ZSWIM6: variants seen among roughly 807,000 people sequenced by gnomAD.
The protein encoded by ZSWIM6 is zinc finger SWIM-type containing 6.
In ZSWIM6, 9 loss-of-function variants were observed where a neutral mutation model predicts 113.2. The ratio of observed to expected loss-of-function variants is 0.08; its 90% confidence interval spans 0.05 to 0.14. The LOEUF is 0.14. Ranked by LOEUF, ZSWIM6 falls within the 10% of genes least tolerant of loss-of-function variation. ZSWIM6 has a pLI of 1.00. For missense variants in ZSWIM6, 1,162 were observed against 1,552.2 expected, an observed-to-expected ratio of 0.75 and a Z score of 4.22; for synonymous variants, 611 against 606.5, an observed-to-expected ratio of 1.01 and a Z score of -0.11.
intron 1 of ZSWIM6, among the ~76,000 whole-genome samples, chr5:61,446,622 C>G (rs1420320580): frequency 6.6e-6 from 1 of 152,022 alleles, no homozygotes; most frequent in African/African-American, 2.4e-5. Context: ...AAAACCCAGA[C>G]AAAAATATAT....
chr5:61,391,873 A>T, intron 1 of ZSWIM6: 1 of 654,808 alleles, frequency 1.5e-6, no homozygotes, highest in South Asian at 1.8e-5. Context: ...GTGAGACATC[A>T]TGCCATCAAA....
At chr5:61,425,870 T>C (rs1746454266) in intron 1 of ZSWIM6, among the ~76,000 whole-genome samples, 1 of 152,172 alleles carries the variant, frequency 6.6e-6, no homozygotes, top group Non-Finnish European at 1.5e-5. Context: ...CTGCCCCTGA[T>C]TGTGAAGGGT....
intron 1 of ZSWIM6, among the ~76,000 whole-genome samples, chr5:61,455,809 C>G (rs1368767428): frequency 6.8e-6 from 1 of 147,584 alleles, no homozygotes; most frequent in African/African-American, 2.5e-5. Context: ...TCCTCCACCC[C>G]CGCCTTCTCT....
At chr5:61,445,027 A>C (rs1320677601) in intron 1 of ZSWIM6, among the ~76,000 whole-genome samples, 1 of 152,218 alleles carries the variant, frequency 6.6e-6, no homozygotes, top group African/African-American at 2.4e-5. Flanking sequence ...ACATGTCACA[A>C]ATTAAAACAC....
At chr5:61,531,225 T>G (rs1350172999) in intron 8 of ZSWIM6, among the ~76,000 whole-genome samples, 1 of 152,200 alleles carries the variant, frequency 6.6e-6, no homozygotes, top group Non-Finnish European at 1.5e-5. Flanking sequence ...GTGATTTATT[T>G]TCAAGGGAGA....
intron 1 of ZSWIM6, among the ~76,000 whole-genome samples, chr5:61,348,964 G>A (rs1744726511): frequency 6.6e-6 from 1 of 152,012 alleles, no homozygotes; most frequent in South Asian, 2.1e-4. Context: ...GGAACTCATC[G>A]TTAATGTAAA....
At chr5:61,376,797 A>C (rs1455376230) in intron 1 of ZSWIM6, among the ~76,000 whole-genome samples, 2 of 145,016 alleles carry the variant, frequency 1.4e-5, no homozygotes, top group Non-Finnish European at 3.0e-5. Context: ...TTTTTGTATG[A>C]ATTTTGTTTA....
intron 1 of ZSWIM6, among the ~76,000 whole-genome samples, chr5:61,336,443 AAG>A (rs1291417042): frequency 1.3e-5 from 2 of 152,210 alleles, no homozygotes; most frequent in East Asian, 3.9e-4. Flanking sequence ...AAACTTGGAA[AAG>A]AGATAAATTT....
intron 1 of ZSWIM6, among the ~76,000 whole-genome samples, chr5:61,371,580 T>A (rs531437736): frequency 6.6e-6 from 1 of 152,256 alleles, no homozygotes; most frequent in Non-Finnish European, 1.5e-5. Context: ...TGGCAAGATA[T>A]TTATCTTTTG....
At chr5:61,403,514 A>G (rs1745980984) in intron 1 of ZSWIM6, among the ~76,000 whole-genome samples, 1 of 152,208 alleles carries the variant, frequency 6.6e-6, no homozygotes, top group South Asian at 2.1e-4. Context: ...CTAACAACTA[A>G]GACCACTATG....
chr5:61,381,449 A>AT (rs1199102527), intron 1 of ZSWIM6, among the ~76,000 whole-genome samples: 8 of 152,132 alleles, frequency 5.3e-5, no homozygotes, highest in Non-Finnish European at 7.4e-5. Flanking sequence ...TATCTTCAGC[A>AT]TTTTTTTCCT....
chr5:61,337,512 C>T (rs1044250483), intron 1 of ZSWIM6, among the ~76,000 whole-genome samples: 2 of 152,182 alleles, frequency 1.3e-5, no homozygotes, highest in Admixed American at 6.5e-5. Flanking sequence ...TAGTGATGCT[C>T]ATTGCAGTGT....
chr5:61,508,252 C>A (rs1408277667), intron 4 of ZSWIM6, among the ~76,000 whole-genome samples: 1 of 152,096 alleles, frequency 6.6e-6, no homozygotes, highest in Non-Finnish European at 1.5e-5. Flanking sequence ...TTAAGTGGAG[C>A]AATCTTTGCA....
chr5:61,332,348 G>GCA lies in ZSWIM6; in HGVS notation c.76_77insCA (p.Gly26AlafsTer85). ...GCCGGGCGGCGGCGGCGGCGGCGGGGGCAGCAGCGGCGGCGGCGGCGGCGC... is the reference window on the plus strand; with the variant it reads ...GCCGGGCGGCGGCGGCGGCGGCGGGGCAGCAGCAGCGGCGGCGGCGGCGGCGC... On this transcript the variant is annotated frameshift_variant, in exon 1 of 14. Transcript: ENST00000252744. LOFTEE classifies it high-confidence loss of function. 1 of 1,027,498 alleles carries GCA rather than the reference G, an allele frequency of 9.7e-7. No individual in the cohort carries two copies. Among genetic ancestry groups the GCA allele is most frequent in the Non-Finnish European group, 1.2e-6 (1 of 843,496 alleles). The allele number at this position is 1,027,498 out of a possible 1,614,324, so 63.6% of individuals were successfully genotyped here. A position where few individuals can be genotyped will look rare whatever the true frequency, so the allele number is the denominator to read the frequency against.
intron 1 of ZSWIM6, among the ~76,000 whole-genome samples, chr5:61,392,557 T>A (rs765496375): frequency 6.6e-6 from 1 of 152,172 alleles, no homozygotes; most frequent in Non-Finnish European, 1.5e-5. Context: ...CACGTGCCAC[T>A]CTCATGATAT....
intron 1 of ZSWIM6, among the ~76,000 whole-genome samples, chr5:61,370,244 C>T (rs983123406): frequency 3.9e-5 from 6 of 152,164 alleles, no homozygotes; most frequent in Admixed American, 2.6e-4. Flanking sequence ...ATGAAATCCT[C>T]CCCTCCCATT....
At chr5:61,370,119 A>G (rs1745233929) in intron 1 of ZSWIM6, among the ~76,000 whole-genome samples, 1 of 152,222 alleles carries the variant, frequency 6.6e-6, no homozygotes, top group Non-Finnish European at 1.5e-5. Context: ...AAAGAACTTG[A>G]ACTACATCGA....
chr5:61,363,999 T>C lies in ZSWIM6; in HGVS notation c.676+31051T>C, dbSNP rs562609727. On this transcript the variant is annotated intron_variant, in intron 1 of 13. Coordinates refer to ENST00000252744, the MANE Select transcript of ZSWIM6 (RefSeq NM_020928.2). ...CTCCCTCCCTCCCTCCCTTTCCTTC[T>C]TTCTTTTCTTTTCTTTTCTTCCTTT... Among the ~76,000 whole-genome samples the C allele has an allele frequency of 1.2e-4, 17 of 139,702 alleles. No individual in the cohort carries two copies. In the East Asian group the frequency reaches 4.3e-3, roughly 35 times the overall value. The allele number at this position is 139,702 out of a possible 152,430, so 91.6% of individuals were successfully genotyped here. A position where few individuals can be genotyped will look rare whatever the true frequency, so the allele number is the denominator to read the frequency against.
chr5:61,461,686 T>C (rs1359437766), intron 1 of ZSWIM6, among the ~76,000 whole-genome samples: 1 of 152,176 alleles, frequency 6.6e-6, no homozygotes, highest in African/African-American at 2.4e-5. Context: ...CTGGAAATCA[T>C]TTATTAAGTC....
Sources: allele counts gnomAD v4.1 joint callset (sites outside exome capture counted in the v4.1 genomes callset), GRCh38; gene constraint gnomAD v4.1.1; transcripts MANE v1.5; gene names NCBI Gene and HGNC (gene_info 2026-07-23, HGNC 2026-07-21).